The following CEPT1 variants were observed in gnomAD, a reference collection of about 807,000 sequenced individuals.
CEPT1 encodes choline/ethanolaminephosphotransferase 1.
A neutral mutation model predicts 42.6 loss-of-function variants in CEPT1; 7 were observed. The ratio of observed to expected loss-of-function variants is 0.16; its 90% CI spans 0.09 to 0.31. CEPT1 has a LOEUF of 0.31. Among genes scored for constraint, CEPT1 ranks in the 10% least tolerant of loss-of-function variants. CEPT1 has a pLI of 1.00. For missense variants in CEPT1, 306 were observed against 502.1 expected, an observed-to-expected ratio of 0.61 and a Z score of 3.73; for synonymous variants, 171 against 171.9, an observed-to-expected ratio of 0.99 and a Z score of 0.04.
At chr1:111,157,401 A>G (rs1034647743) in intron 2 of CEPT1, among the ~76,000 whole-genome samples, 2 of 152,246 alleles carry the variant, frequency 1.3e-5, no homozygotes, top group Admixed American at 6.5e-5. Context: ...CCAATATAGT[A>G]GCCATAGCTA....
intron 4 of CEPT1, among the ~76,000 whole-genome samples, chr1:111,166,340 G>C (rs1219084459): frequency 6.6e-6 from 1 of 152,104 alleles, no homozygotes; most frequent in African/African-American, 2.4e-5. Context: ...ACTGTTTTGT[G>C]TGTTATCTGT....
At chr1:111,171,694 G>C (rs1284569695) in intron 4 of CEPT1, among the ~76,000 whole-genome samples, 1 of 152,070 alleles carries the variant, frequency 6.6e-6, no homozygotes, top group Non-Finnish European at 1.5e-5. Context: ...ATTCTTTTTT[G>C]TCTTTTGACG....
At chr1:111,162,140 T>C (rs1163664228) in intron 4 of CEPT1, among the ~76,000 whole-genome samples, 1 of 152,144 alleles carries the variant, frequency 6.6e-6, no homozygotes, top group Admixed American at 6.6e-5. Flanking sequence ...AAATATGAGC[T>C]TTTACCCTGA....
intron 8 of CEPT1, 114 bp downstream of exon 8, chr1:111,183,701 T>C: frequency 8.9e-7 from 1 of 1,122,740 alleles, no homozygotes; most frequent in Admixed American, 2.1e-5. Flanking sequence ...TGATTTGGAA[T>C]GTCAGAAATC....
chr1:111,177,851 C>A (rs1446859024), intron 5 of CEPT1, among the ~76,000 whole-genome samples: 1 of 152,146 alleles, frequency 6.6e-6, no homozygotes, highest in Non-Finnish European at 1.5e-5. Context: ...AGATTCTCCC[C>A]CTGCCCCTTC....
chr1:111,145,961 C>T (rs920790531), intron 1 of CEPT1, among the ~76,000 whole-genome samples: 2 of 152,130 alleles, frequency 1.3e-5, no homozygotes, highest in African/African-American at 4.8e-5. Context: ...GATCTATTGT[C>T]GAGATGTCCT....
In CEPT1 at chr1:111,147,761, C is replaced by T. The variant is rs556306202; in HGVS notation, c.47C>T (p.Pro16Leu). 6.8e-6 allele frequency: 11 copies of T among 1,613,578 alleles called. No individual in the cohort carries two copies. The highest frequency in any genetic ancestry group is 3.3e-5 in the Admixed American group (2 of 59,982). ...STRKRCGDSH[P>L]ESPVGFGHMS... ...AGGAAAAGATGTGGAGATTCTCACC[C>T]GGAGTCCCCAGTGGGCTTCGGGCAT... The change falls in exon 2 of 9, where the codon CCG (proline) becomes CTG (leucine). Residue 16 changes from proline (P) to leucine (L), a missense_variant. By Grantham distance (98) the Pro-to-Leu change is moderately conservative (BLOSUM62 -3). Around this residue, in one of 2 missense-constraint regions of CEPT1, gnomAD observed 53 missense variants for 54.8 expected, o/e 0.97. Coordinates refer to ENST00000357172, the MANE Select transcript of CEPT1 (RefSeq NM_006090.5).
chr1:111,159,074 C>T (rs951957499), intron 2 of CEPT1, among the ~76,000 whole-genome samples: 5 of 150,622 alleles, frequency 3.3e-5, no homozygotes, highest in Admixed American at 6.6e-5. Flanking sequence ...CCACTACGCC[C>T]GGCTAATTTT....
At chr1:111,143,753 T>C (rs1433432682) in intron 1 of CEPT1, among the ~76,000 whole-genome samples, 5 of 152,186 alleles carry the variant, frequency 3.3e-5, no homozygotes, top group Non-Finnish European at 7.3e-5. Flanking sequence ...TTTGTTCCTT[T>C]TTGAGACATG....
At chr1:111,161,064 AG>A in intron 3 of CEPT1, 90 bp from the exon 4 acceptor site, 1 of 1,303,528 alleles carries the variant, frequency 7.7e-7, no homozygotes, top group Non-Finnish European at 1.1e-6. Context: ...ATGCATTTAC[AG>A]CATATCTTTT....
At chr1:111,154,872 G>A (rs996772792) in intron 2 of CEPT1, among the ~76,000 whole-genome samples, 30 of 152,216 alleles carry the variant, frequency 2.0e-4, no homozygotes, top group African/African-American at 4.1e-4. Flanking sequence ...TTAATGCGCC[G>A]TTGGATTTGG....
intron 2 of CEPT1, among the ~76,000 whole-genome samples, chr1:111,157,687 G>T (rs1655643670): frequency 1.3e-5 from 2 of 152,158 alleles, no homozygotes; most frequent in Non-Finnish European, 2.9e-5. Flanking sequence ...TGCTTTCAGG[G>T]TTTATAACTC....
At position 111,147,726 on chromosome 1, in the gene CEPT1, T is replaced by C. The variant is rs1359285281; in HGVS notation, c.12T>C (p.His4=). Residue 4 remains histidine, a synonymous_variant, in exon 2 of 9, where the codon CAT becomes CAC. Coordinates refer to ENST00000357172, the MANE Select transcript of CEPT1 (RefSeq NM_006090.5). MSG[H]RSTRKRCGDS... ...AAAAAACAAGATCCATGAGTGGGCA[T>C]CGATCAACAAGGAAAAGATGTGGAG... is the stretch of plus-strand genomic sequence containing the variant. 2 of 1,607,176 alleles carry C rather than the reference T, an allele frequency of 1.2e-6. No homozygotes were observed. Among genetic ancestry groups the C allele is most frequent in the Non-Finnish European group, 1.7e-6 (2 of 1,175,466 alleles).
intron 2 of CEPT1, among the ~76,000 whole-genome samples, chr1:111,152,993 T>G (rs964431994): frequency 3.9e-5 from 6 of 152,222 alleles, no homozygotes; most frequent in African/African-American, 1.4e-4. Flanking sequence ...GATCCTCTCT[T>G]CTAGCTTTTT....
At chr1:111,172,869 A>T (rs1054889909) in intron 4 of CEPT1, among the ~76,000 whole-genome samples, 2 of 152,248 alleles carry the variant, frequency 1.3e-5, no homozygotes, top group Non-Finnish European at 2.9e-5. Context: ...CCCTCTCTCC[A>T]TAACAGTAAG....
At chr1:111,172,932 CA>C (rs1191886418) in intron 4 of CEPT1, among the ~76,000 whole-genome samples, 1 of 152,184 alleles carries the variant, frequency 6.6e-6, no homozygotes, top group African/African-American at 2.4e-5. Context: ...AAAATTCTGT[CA>C]AAAGTTTCAA....
chr1:111,174,809 A>T, intron 4 of CEPT1, 70 bp from the exon 5 acceptor site: 1 of 940,600 alleles, frequency 1.1e-6, no homozygotes, highest in Non-Finnish European at 1.8e-6. Context: ...GAATGCTGCT[A>T]AGCTTGCAAG....
chr1:111,154,622 A>G (rs1655462179), intron 2 of CEPT1, among the ~76,000 whole-genome samples: 2 of 152,098 alleles, frequency 1.3e-5, no homozygotes, highest in South Asian at 2.1e-4. Flanking sequence ...AGCTGTTGGT[A>G]TGTCATATAT....
At chr1:111,148,923 C>G (rs1406181468) in intron 2 of CEPT1, among the ~76,000 whole-genome samples, 1 of 152,200 alleles carries the variant, frequency 6.6e-6, no homozygotes, top group Non-Finnish European at 1.5e-5. Flanking sequence ...CTAAACATTT[C>G]AGAGTGATTC....
Sources: allele counts gnomAD v4.1 joint callset (sites outside exome capture counted in the v4.1 genomes callset), GRCh38; gene constraint gnomAD v4.1.1; regional missense constraint gnomAD v4.1.1; transcripts MANE v1.5; gene names NCBI Gene and HGNC (gene_info 2026-07-23, HGNC 2026-07-21).